The following XRCC3 variants were observed in gnomAD, a reference collection of about 807,000 sequenced individuals.
XRCC3 encodes X-ray repair cross complementing 3.
Under a neutral mutation model 29.2 loss-of-function variants are expected in XRCC3, and 34 were observed. The ratio of observed to expected loss-of-function variants is 1.16; its 90% CI spans 0.88 to 1.55. XRCC3 has a LOEUF of 1.55. XRCC3 is among the 40% of genes most tolerant of loss of function. The probability of loss-of-function intolerance (pLI) is 0.00; values close to 1 mark genes in which losing one functional copy is unlikely to be tolerated. For synonymous variants in XRCC3, 223 were observed against 211.3 expected, an observed-to-expected ratio of 1.06 and a Z score of -0.48; for missense variants, 463 against 467.6, an observed-to-expected ratio of 0.99 and a Z score of 0.09.
chr14:103,711,067 G>A lies in XRCC3; in HGVS notation c.21C>T (p.Asp7=), dbSNP rs764138700. Residue 7 remains aspartate, a synonymous_variant, in exon 4 of 10, where the codon GAC becomes GAT. Coordinates refer to ENST00000555055, the MANE Select transcript of XRCC3 (RefSeq NM_005432.4). MDLDLL[D]LNPRIIAAIK... ...TTGCAGCAATAATTCTGGGATTCAGGTCCAGTAGATCCAAATCCATTTTGT... is the reference window on the plus strand; with the variant it reads ...TTGCAGCAATAATTCTGGGATTCAGATCCAGTAGATCCAAATCCATTTTGT... 1.2e-6 allele frequency: 2 copies of A among 1,614,134 alleles called. No homozygotes were observed. Among genetic ancestry groups the A allele is most frequent in the African/African-American group, 1.3e-5 (1 of 75,026 alleles).
At chr14:103,700,427 A>G (rs981818573) in intron 7 of XRCC3, 6 of 468,906 alleles carry the variant, frequency 1.3e-5, no homozygotes, top group African/African-American at 6.2e-5. Flanking sequence ...TTGGTGAGCC[A>G]TGGTGATGGG....
intron 2 of XRCC3, chr14:103,711,849 A>G (rs3212038): frequency 0.29 from 110,898 of 378,392 alleles, 17,702 homozygotes; most frequent in East Asian, 0.37. Context: ...GCCACTCTGC[A>G]TCCCCTGTCG....
rs187038000 is a variant in XRCC3 at position 103,698,940 on chromosome 14, C to T, written c.899G>A (p.Arg300Gln). 3.1e-5 allele frequency: 50 copies of T among 1,600,480 alleles called. No homozygotes were observed. The highest frequency in any genetic ancestry group is 2.4e-4 in the Admixed American group (14 of 58,440). Reference protein sequence around the residue: ...NQLLVRLLADRLREEEAALGC... With the variant: ...NQLLVRLLADQLREEEAALGC... ...GAGGGCAGCCTCTTCCTCGCGGAGCCGGTCAGCCAGCAGTCTCACCAGGAG... is the reference window on the plus strand; with the variant it reads ...GAGGGCAGCCTCTTCCTCGCGGAGCTGGTCAGCCAGCAGTCTCACCAGGAG... The change falls in exon 10 of 10, where the codon CGG becomes CAG. Residue 300 changes from arginine to glutamine, a missense_variant. Transcript: ENST00000555055.
intron 4 of XRCC3, chr14:103,710,512 G>A (rs377285906): frequency 1.1e-3 from 171 of 153,388 alleles, no homozygotes; most frequent in African/African-American, 3.5e-3. Context: ...AGGCTGAGGC[G>A]GGCGGATCAC....
In XRCC3 at chr14:103,701,257, C is replaced by A. The variant is rs1306626946; in HGVS notation, c.562-1681G>T. ...ACTGCCGAGTGTGGCCCGGAGCTGG[C>A]CCGGGACAGCCAGGGCGGCAGGGAG... On this transcript the variant is annotated intron_variant, in intron 7 of 9. Transcript: ENST00000555055. 1.1e-5 allele frequency: 17 copies of A among 1,537,952 alleles called. No homozygotes were observed. The East Asian group carries it at 2.7e-4, about 24-fold the overall frequency.
chr14:103,701,116 C>T, intron 7 of XRCC3: 1 of 1,495,370 alleles, frequency 6.7e-7, no homozygotes, highest in Non-Finnish European at 9.1e-7. Flanking sequence ...GGTGGGGGTT[C>T]CCCAGAGAGC....
chr14:103,710,966 G>C (rs1247469367), intron 4 of XRCC3, 67 bp downstream of exon 4: 12 of 1,560,916 alleles, frequency 7.7e-6, no homozygotes, highest in Non-Finnish European at 1.1e-5. Flanking sequence ...CCAGCGTTTT[G>C]TTAACCTGCC....
chr14:103,708,693 C>G, intron 4 of XRCC3, 34 bp from the exon 5 acceptor site: 2 of 1,613,556 alleles, frequency 1.2e-6, no homozygotes, highest in South Asian at 1.1e-5. Flanking sequence ...AGGAAAATGT[C>G]AGACTGTCAC....
chr14:103,712,405 G>A (rs1004874648), intron 2 of XRCC3: 1 of 152,986 alleles, frequency 6.5e-6, no homozygotes, highest in African/African-American at 2.4e-5. Context: ...GCCAGAGTGA[G>A]GAAGTGAGGT....
At position 103,697,848 on chromosome 14, in the gene XRCC3, G is replaced by A. The variant is rs2082688649; in HGVS notation, c.*950C>T. Reference sequence around the variant, plus strand: ...AGATGTAAGGCCTGGCCACAGTGTGGGACTGGGTCTGCACAGTGTGGGACT... The same window carrying A: ...AGATGTAAGGCCTGGCCACAGTGTGAGACTGGGTCTGCACAGTGTGGGACT... On this transcript the variant is annotated 3_prime_UTR_variant, in exon 10 of 10. Coordinates refer to ENST00000555055, the MANE Select transcript of XRCC3 (RefSeq NM_005432.4). The A allele has an allele frequency of 6.6e-6, 1 of 152,082 alleles. No homozygotes were observed. The highest frequency in any genetic ancestry group is 2.4e-5 in the African/African-American group (1 of 41,244). The allele number at this position is 152,082 out of a possible 1,614,324, so 9.4% of individuals were successfully genotyped here. A position where few individuals can be genotyped will look rare whatever the true frequency, so the allele number is the denominator to read the frequency against.
chr14:103,701,678 T>C (rs961721176), intron 7 of XRCC3: 1 of 153,244 alleles, frequency 6.5e-6, no homozygotes, highest in South Asian at 2.0e-4. Context: ...ATCGAGACCA[T>C]CCTGGCTAAC....
chr14:103,699,019 T>A lies in XRCC3; in HGVS notation c.822-2A>T. 6.3e-7 allele frequency: 1 copy of A among 1,582,886 alleles called. No homozygotes were observed. Among genetic ancestry groups the A allele is most frequent in the Non-Finnish European group, 8.6e-7 (1 of 1,164,252 alleles). ...GGGGAAACACGTTCGTCCCAGAACCTGAGAAACAGGAAGCAGGCAAGCTGG... is the reference window on the plus strand; with the variant it reads ...GGGGAAACACGTTCGTCCCAGAACCAGAGAAACAGGAAGCAGGCAAGCTGG... On this transcript the variant is annotated splice_acceptor_variant, in intron 9 of 9. Coordinates refer to ENST00000555055, the MANE Select transcript of XRCC3 (RefSeq NM_005432.4). LOFTEE classifies it high-confidence loss of function.
At chr14:103,704,766 T>C (rs1160626620) in intron 6 of XRCC3, 3 of 152,186 alleles carry the variant, frequency 2.0e-5, no homozygotes, top group Non-Finnish European at 4.4e-5. Flanking sequence ...TACATCTCAA[T>C]TTAAAAAACA....
intron 8 of XRCC3, 51 bp downstream of exon 8, chr14:103,699,313 A>T (rs1393266423): frequency 1.3e-6 from 2 of 1,555,094 alleles, no homozygotes; most frequent in Non-Finnish European, 1.7e-6. Context: ...CTGCTTCCGC[A>T]TCCTGGCTAA....
At chr14:103,699,598 T>C in intron 7 of XRCC3, 22 bp from the exon 8 acceptor site, 2 of 1,612,276 alleles carry the variant, frequency 1.2e-6, no homozygotes, top group Non-Finnish European at 1.7e-6. Context: ...GCTGTCATTG[T>C]CTATGCTGGT....
intron 4 of XRCC3, chr14:103,710,026 A>T (rs1198375878): frequency 6.6e-6 from 1 of 152,374 alleles, no homozygotes; most frequent in Non-Finnish European, 1.5e-5. Flanking sequence ...AGGTTCACGT[A>T]GCTGAGGCCC....
Position 103,703,125 on chromosome 14 carries a change from C to T in XRCC3, c.561+48G>A, listed in dbSNP as rs1267633673. 4 of 1,547,282 alleles carry T rather than the reference C, an allele frequency of 2.6e-6. No individual in the cohort carries two copies. In the South Asian group the frequency reaches 4.7e-5, roughly 18 times the overall value. On this transcript the variant is annotated intron_variant, in intron 7 of 9. Transcript: ENST00000555055. ...TGGTGGCTACACCTGCCCCAATGGT[C>T]CTGAATAGCTTGCCTTGGGGGTGTC...
In XRCC3 at chr14:103,701,285, C is replaced by T. The variant is rs1474328251; in HGVS notation, c.562-1709G>A. On this transcript the variant is annotated intron_variant, in intron 7 of 9. Coordinates refer to ENST00000555055, the MANE Select transcript of XRCC3 (RefSeq NM_005432.4). ...GGGACAGCCAGGGCGGCAGGGAGGG[C>T]CCCTGGCCGGGAGCCGCAGCGCTCA... 12 of 1,451,888 alleles carry T rather than the reference C, an allele frequency of 8.3e-6. No individual in the cohort carries two copies. The Admixed American group carries it at 1.2e-4, about 15-fold the overall frequency. The allele number at this position is 1,451,888 out of a possible 1,614,324, so 89.9% of individuals were successfully genotyped here.
intron 2 of XRCC3, chr14:103,711,847 G>T (rs2083642279): frequency 2.6e-6 from 1 of 383,016 alleles, no homozygotes; most frequent in Non-Finnish European, 5.2e-6. Flanking sequence ...AGGCCACTCT[G>T]CATCCCCTGT....
Sources: allele counts gnomAD v4.1 joint callset, GRCh38; gene constraint gnomAD v4.1.1; transcripts MANE v1.5; gene names NCBI Gene and HGNC (gene_info 2026-07-23, HGNC 2026-07-21).